The following NDST4 variants were observed in gnomAD, a reference collection of about 807,000 sequenced individuals.
NDST4 encodes the protein N-heparan sulfate sulfotransferase 4.
In NDST4, 63 loss-of-function variants were observed where a neutral mutation model predicts 100.8. That is an observed-to-expected ratio of 0.62 (90% CI 0.51 to 0.77). NDST4 has a LOEUF of 0.77. NDST4 is among the 30% of genes least tolerant of loss of function. NDST4 has a pLI of 0.00. For missense variants in NDST4, 943 were observed against 1,018.4 expected, an observed-to-expected ratio of 0.93 and a Z score of 1.01; for synonymous variants, 377 against 361.8, an observed-to-expected ratio of 1.04 and a Z score of -0.48.
chr4:115,032,679 C>A (rs7663241), intron 2 of NDST4, among the ~76,000 whole-genome samples: 1 of 152,042 alleles, frequency 6.6e-6, no homozygotes, highest in Non-Finnish European at 1.5e-5. Context: ...AGTTGTATTA[C>A]ATATTATCTA....
intron 2 of NDST4, among the ~76,000 whole-genome samples, chr4:115,069,929 A>T (rs1689302327): frequency 6.6e-6 from 1 of 152,076 alleles, no homozygotes; most frequent in African/African-American, 2.4e-5. Flanking sequence ...TAACAGTTGC[A>T]GAAGAGGTTG....
intron 2 of NDST4, among the ~76,000 whole-genome samples, chr4:115,049,409 C>T (rs1321051092): frequency 6.6e-6 from 1 of 151,858 alleles, no homozygotes; most frequent in Non-Finnish European, 1.5e-5. Flanking sequence ...TATGCCCTTG[C>T]TAGAAATGTC....
At chr4:115,002,625 A>G (rs553592543) in intron 2 of NDST4, among the ~76,000 whole-genome samples, 3 of 152,168 alleles carry the variant, frequency 2.0e-5, no homozygotes, top group South Asian at 2.1e-4. Flanking sequence ...TTATGGTTTT[A>G]GGTTTTACAT....
intron 6 of NDST4, among the ~76,000 whole-genome samples, chr4:114,925,028 A>G (rs1432863135): frequency 6.6e-6 from 1 of 152,272 alleles, no homozygotes; most frequent in East Asian, 1.9e-4. Context: ...ACACATGTAG[A>G]AAATCTCCTA....
At chr4:114,867,665 C>CAAAAAAAAAAAAAAAAAAAAAAAAAAG in intron 7 of NDST4, among the ~76,000 whole-genome samples, 1 of 79,900 alleles carries the variant, frequency 1.3e-5, no homozygotes, top group African/African-American at 4.9e-5. Flanking sequence ...AAAAAAAAAG[C>CAAAAAAAAAAAAAAAAAAAAAAAAAAG]AAAAAAAAAA....
intron 4 of NDST4, among the ~76,000 whole-genome samples, chr4:114,941,082 C>G (rs1277241776): frequency 6.6e-6 from 1 of 152,198 alleles, no homozygotes; most frequent in Non-Finnish European, 1.5e-5. Context: ...CCTCCCTCTT[C>G]TACCTAGTAT....
intron 2 of NDST4, among the ~76,000 whole-genome samples, chr4:115,041,670 T>C (rs555537277): frequency 1.3e-5 from 2 of 152,226 alleles, no homozygotes; most frequent in South Asian, 4.1e-4. Context: ...ATCTTTCTCC[T>C]TTTCATTCCA....
At chr4:115,063,914 A>C (rs547821388) in intron 2 of NDST4, among the ~76,000 whole-genome samples, 13 of 152,090 alleles carry the variant, frequency 8.5e-5, no homozygotes, top group African/African-American at 2.9e-4. Flanking sequence ...TGACTAGTGA[A>C]ATGGAACTCA....
chr4:114,892,507 T>C (rs1350599503), intron 6 of NDST4, among the ~76,000 whole-genome samples: 15 of 152,146 alleles, frequency 9.9e-5, no homozygotes, highest in Admixed American at 9.8e-4. Flanking sequence ...CCAATACTTC[T>C]GACCATCAAA....
intron 2 of NDST4, among the ~76,000 whole-genome samples, chr4:115,019,780 G>A (rs1463607784): frequency 6.6e-6 from 1 of 152,072 alleles, no homozygotes; most frequent in Non-Finnish European, 1.5e-5. Context: ...AATAATGCTA[G>A]TATTGGGGGA....
intron 7 of NDST4, among the ~76,000 whole-genome samples, chr4:114,855,111 C>T (rs1196899477): frequency 6.6e-6 from 1 of 151,988 alleles, no homozygotes; most frequent in Non-Finnish European, 1.5e-5. Flanking sequence ...ATCCTTTGCC[C>T]ATTTTTAAAT....
intron 7 of NDST4, among the ~76,000 whole-genome samples, chr4:114,853,259 T>C (rs1578344224): frequency 6.6e-6 from 1 of 152,196 alleles, no homozygotes; most frequent in Non-Finnish European, 1.5e-5. Context: ...TTTCATTTCA[T>C]TTCATGTTTT....
At chr4:114,984,330 C>G (rs559593485) in intron 2 of NDST4, among the ~76,000 whole-genome samples, 9 of 151,994 alleles carry the variant, frequency 5.9e-5, no homozygotes, top group South Asian at 4.1e-4. Context: ...AGGCACCCAC[C>G]ACCATGCCAG....
chr4:115,024,396 C>A (rs1343069750), intron 2 of NDST4, among the ~76,000 whole-genome samples: 1 of 152,110 alleles, frequency 6.6e-6, no homozygotes, highest in Non-Finnish European at 1.5e-5. Flanking sequence ...TTGGGGGATG[C>A]AGGATGCGGA....
chr4:115,101,835 T>C (rs1306767871), intron 1 of NDST4, among the ~76,000 whole-genome samples: 1 of 152,172 alleles, frequency 6.6e-6, no homozygotes. Context: ...GAGAACTCTG[T>C]AAGCGATATG....
At chr4:115,033,144 TA>T (rs1560574193) in intron 2 of NDST4, among the ~76,000 whole-genome samples, 7 of 129,162 alleles carry the variant, frequency 5.4e-5, no homozygotes, top group South Asian at 2.3e-4. Flanking sequence ...TATATATATA[TA>T]TATATATATA....
intron 2 of NDST4, among the ~76,000 whole-genome samples, chr4:115,027,407 T>C (rs910066330): frequency 6.6e-6 from 1 of 152,118 alleles, no homozygotes; most frequent in Non-Finnish European, 1.5e-5. Context: ...ATATAACACA[T>C]ACCAAGCTCT....
intron 2 of NDST4, among the ~76,000 whole-genome samples, chr4:114,998,891 T>C (rs1309873028): frequency 1.3e-5 from 2 of 152,076 alleles, no homozygotes; most frequent in Admixed American, 1.3e-4. Context: ...CCAAGCCTCA[T>C]GATTAGGCGT....
intron 4 of NDST4, among the ~76,000 whole-genome samples, chr4:114,946,845 C>CT (rs950110757): frequency 9.9e-5 from 15 of 152,014 alleles, no homozygotes; most frequent in African/African-American, 3.1e-4. Flanking sequence ...ATGATGATTA[C>CT]TTTTTTTTCT....
Sources: gnomAD v4.1 joint callset for allele counts (sites outside exome capture counted in the v4.1 genomes callset) on GRCh38, gnomAD v4.1.1 for gene constraint, MANE v1.5 for transcripts, NCBI Gene and HGNC (gene_info 2026-07-23, HGNC 2026-07-21) for gene names.